The following DNAH11 variants were observed in gnomAD, a reference collection of about 807,000 sequenced individuals.
The protein encoded by DNAH11 is dynein axonemal heavy chain 11.
In DNAH11, 442 loss-of-function variants were observed where a neutral mutation model predicts 526.0. That is an observed-to-expected ratio of 0.84 (90% CI 0.78 to 0.91). The LOEUF (loss-of-function observed/expected upper bound fraction) is 0.91, where lower values mean the gene tolerates loss of function less well. DNAH11 is among the 40% of genes least tolerant of loss of function. The pLI is 0.00. For missense variants in DNAH11, 6,989 were observed against 5,448.7 expected (o/e 1.28, Z -8.90); for synonymous variants, 2,461 against 1,935.9 (o/e 1.27, Z -7.12).
chr7:21,813,013 G>C (rs1436486217), intron 63 of DNAH11, among the ~76,000 whole-genome samples: 1 of 152,282 alleles, frequency 6.6e-6, no homozygotes, highest in African/African-American at 2.4e-5. Flanking sequence ...TATGGGGGAA[G>C]GGTTGTCAGA....
chr7:21,868,767 T>C (rs1423360175), intron 72 of DNAH11, 97 bp from the exon 73 acceptor site: 55 of 1,465,378 alleles, frequency 3.8e-5, no homozygotes, highest in Non-Finnish European at 4.9e-5. Flanking sequence ...AGAAGATGGC[T>C]GCGGTGACCA....
At chr7:21,757,157 G>A (rs930987726) in intron 54 of DNAH11, among the ~76,000 whole-genome samples, 2 of 152,156 alleles carry the variant, frequency 1.3e-5, no homozygotes, top group South Asian at 4.1e-4. Flanking sequence ...TTGCTGCGTA[G>A]ACAGATCATC....
rs1783198728 is a variant in DNAH11 at position 21,864,582 on chromosome 7, G to A, written c.11421G>A (p.Leu3807=). The change falls in exon 70 of 82, where the codon CTG becomes CTA. Residue 3807 remains leucine (L), a synonymous_variant. Transcript: ENST00000409508. ...TAGACCCTCTTGAATTGGATTTCCT[G>A]CTTCGATTCACAGTTGAACACACTC... The part of the protein sequence containing the change: ...KEIDPLELDF[L]LRFTVEHTHL... 6.2e-7 allele frequency: 1 copy of A among 1,611,782 alleles called. No homozygotes were observed. Among genetic ancestry groups the A allele is most frequent in the African/African-American group, 1.3e-5 (1 of 74,880 alleles).
intron 20 of DNAH11, among the ~76,000 whole-genome samples, chr7:21,613,391 T>C (rs2128451599): frequency 6.6e-6 from 1 of 152,340 alleles, no homozygotes; most frequent in East Asian, 1.9e-4. Flanking sequence ...TAAAAATTAT[T>C]AGTCATATTT....
At chr7:21,836,285 A>G (rs1395661425) in intron 65 of DNAH11, among the ~76,000 whole-genome samples, 1 of 152,166 alleles carries the variant, frequency 6.6e-6, no homozygotes, top group Non-Finnish European at 1.5e-5. Flanking sequence ...AAGACTCCAA[A>G]TAGCCAAACC....
chr7:21,823,594 T>C (rs979174214), intron 65 of DNAH11, among the ~76,000 whole-genome samples: 1 of 152,264 alleles, frequency 6.6e-6, no homozygotes, highest in Non-Finnish European at 1.5e-5. Flanking sequence ...CCTTACAATA[T>C]GCTTAATTTT....
rs561793145 is a variant in DNAH11 at position 21,553,629 on chromosome 7, T to G, written c.496-5173T>G. ...CATTTCTTTTTTCCATTTAGGGCAT[T>G]CTTTTTTAAAATGCCCTGGCTTTAC... On this transcript the variant is annotated intron_variant, in intron 2 of 81. Coordinates refer to ENST00000409508, the MANE Select transcript of DNAH11 (RefSeq NM_001277115.2). 6.1e-4 allele frequency among the ~76,000 whole-genome samples: 93 copies of G among 152,352 alleles called. 1 individual carries two copies. The highest frequency in any genetic ancestry group is 5.9e-4 in the Non-Finnish European group (40 of 68,032).
intron 30 of DNAH11, among the ~76,000 whole-genome samples, chr7:21,665,519 C>T (rs192217300): frequency 8.1e-4 from 124 of 152,270 alleles, no homozygotes; most frequent in African/African-American, 2.7e-3. Context: ...ACTCCTTCCC[C>T]TGTCAACAAC....
intron 61 of DNAH11, among the ~76,000 whole-genome samples, chr7:21,798,882 A>G (rs188215233): frequency 9.2e-5 from 14 of 152,248 alleles, no homozygotes; most frequent in African/African-American, 3.1e-4. Context: ...TTTTAATAAA[A>G]TTATGCTAAT....
chr7:21,702,047 G>A (rs777386651), intron 36 of DNAH11, among the ~76,000 whole-genome samples: 15 of 152,114 alleles, frequency 9.9e-5, no homozygotes, highest in Non-Finnish European at 1.2e-4. Context: ...TTTATCATGA[G>A]AAAAAGCCAG....
At chr7:21,825,170 C>G (rs1055945741) in intron 65 of DNAH11, among the ~76,000 whole-genome samples, 2 of 152,150 alleles carry the variant, frequency 1.3e-5, no homozygotes, top group South Asian at 4.1e-4. Context: ...CACACCGGGT[C>G]TATTACTGTG....
At chr7:21,685,534 C>G (rs954576902) in intron 32 of DNAH11, among the ~76,000 whole-genome samples, 1 of 152,124 alleles carries the variant, frequency 6.6e-6, no homozygotes, top group Non-Finnish European at 1.5e-5. Context: ...CAAAATGATG[C>G]CCTTCAAATT....
intron 20 of DNAH11, among the ~76,000 whole-genome samples, chr7:21,607,258 C>T (rs1175387656): frequency 2.6e-5 from 4 of 152,156 alleles, no homozygotes; most frequent in Non-Finnish European, 5.9e-5. Context: ...CCAGAAGACT[C>T]AGCCAGCCTA....
rs762352605 is a variant in DNAH11 at position 21,559,002 on chromosome 7, C to T, written c.692+4C>T. ...ATCAGAATTGTTCAGAGAACAAGTA[C>T]GTAACAGTACAATATATACAGGATA... On this transcript the variant is annotated splice_donor_region_variant and intron_variant, in intron 3 of 81. Transcript: ENST00000409508. 1.1e-5 allele frequency: 17 copies of T among 1,563,940 alleles called. No homozygotes were observed. The highest frequency in any genetic ancestry group is 9.5e-5 in the African/African-American group (7 of 73,678).
intron 30 of DNAH11, among the ~76,000 whole-genome samples, chr7:21,671,814 C>T (rs959732114): frequency 6.6e-6 from 1 of 152,042 alleles, no homozygotes; most frequent in Non-Finnish European, 1.5e-5. Context: ...AAAATATCTA[C>T]CAGAAACCTG....
At chr7:21,837,799 A>G (rs1782049658) in intron 65 of DNAH11, among the ~76,000 whole-genome samples, 1 of 152,166 alleles carries the variant, frequency 6.6e-6, no homozygotes. Context: ...AAACAATATT[A>G]TAGTGTATAT....
intron 45 of DNAH11, among the ~76,000 whole-genome samples, chr7:21,730,706 A>G (rs1785341760): frequency 6.6e-6 from 1 of 152,156 alleles, no homozygotes; most frequent in Admixed American, 6.5e-5. Flanking sequence ...GACTGGGGAG[A>G]TGTTGGTCAA....
intron 25 of DNAH11, among the ~76,000 whole-genome samples, chr7:21,635,249 C>T (rs937033177): frequency 7.2e-5 from 11 of 152,136 alleles, no homozygotes; most frequent in East Asian, 1.9e-4. Flanking sequence ...CTCCGCCTCC[C>T]GGGTTCACAC....
Position 21,545,062 on chromosome 7 carries a change from C to T in DNAH11, c.408C>T (p.Ser136=). ...LVFISKKITE[S]IGVNDFSQVV... is the part of the protein sequence containing the mutation. ...TTATTTCCAAGAAGATTACTGAAAG[C>T]ATTGGAGTAAATGACTTTTCTCAAG... is the stretch of plus-strand genomic sequence containing the variant. The change falls in exon 2 of 82, where the codon AGC becomes AGT. Residue 136 remains serine (S), a synonymous_variant. Coordinates refer to ENST00000409508, the MANE Select transcript of DNAH11 (RefSeq NM_001277115.2). The T allele has an allele frequency of 1.9e-6, 3 of 1,604,098 alleles. No homozygotes were observed. The highest frequency in any genetic ancestry group is 2.6e-6 in the Non-Finnish European group (3 of 1,174,308).
Sources: gnomAD v4.1 joint callset for allele counts (sites outside exome capture counted in the v4.1 genomes callset) on GRCh38, gnomAD v4.1.1 for gene constraint, MANE v1.5 for transcripts, NCBI Gene and HGNC (gene_info 2026-07-23, HGNC 2026-07-21) for gene names.